TMEM108: variants seen among roughly 807,000 people sequenced by gnomAD.
TMEM108 encodes transmembrane protein 108, also known as cancer/testis antigen 124.
TMEM108 carries 12 observed loss-of-function variants against 35.1 expected under a neutral mutation model. The ratio of observed to expected loss-of-function variants is 0.34; its 90% CI spans 0.22 to 0.55. The LOEUF is 0.55. Among genes scored for constraint, TMEM108 ranks in the 20% least tolerant of loss-of-function variants. The pLI is 0.89. For synonymous variants in TMEM108, 287 were observed against 308.6 expected (o/e 0.93, Z 0.73); for missense variants, 680 against 753.3 (o/e 0.90, Z 1.14).
At chr3:133,249,744 T>C (rs889931835) in intron 3 of TMEM108, among the ~76,000 whole-genome samples, 3 of 152,168 alleles carry the variant, frequency 2.0e-5, no homozygotes, top group Admixed American at 6.5e-5. Context: ...ACGTCTTTGT[T>C]ATGGTGAATA....
intron 2 of TMEM108, among the ~76,000 whole-genome samples, chr3:133,071,975 C>T (rs1943681128): frequency 6.6e-6 from 1 of 152,064 alleles, no homozygotes; most frequent in Non-Finnish European, 1.5e-5. Context: ...GTCTTTAATC[C>T]ATTTTGAGTT....
At chr3:133,338,359 A>G (rs1196687968) in intron 3 of TMEM108, among the ~76,000 whole-genome samples, 1 of 152,166 alleles carries the variant, frequency 6.6e-6, no homozygotes, top group African/African-American at 2.4e-5. Flanking sequence ...CTGGCAGCAG[A>G]CTTCTTAGTG....
At chr3:133,337,019 G>C (rs1289068359) in intron 3 of TMEM108, among the ~76,000 whole-genome samples, 1 of 152,164 alleles carries the variant, frequency 6.6e-6, no homozygotes, top group African/African-American at 2.4e-5. Flanking sequence ...TTGAGTGCCA[G>C]CTCAGCCACA....
At chr3:133,064,169 T>G (rs1356070053) in intron 2 of TMEM108, among the ~76,000 whole-genome samples, 1 of 152,158 alleles carries the variant, frequency 6.6e-6, no homozygotes, top group African/African-American at 2.4e-5. Context: ...GGAAGGCCAT[T>G]TAGTCTAAAA....
intron 2 of TMEM108, among the ~76,000 whole-genome samples, chr3:133,177,616 A>C (rs559101934): frequency 6.6e-6 from 1 of 152,310 alleles, no homozygotes; most frequent in South Asian, 2.1e-4. Context: ...AAATTCAACA[A>C]CGCTTCATGC....
chr3:133,218,473 G>T (rs1945940915), intron 2 of TMEM108, among the ~76,000 whole-genome samples: 1 of 151,812 alleles, frequency 6.6e-6, no homozygotes, highest in Non-Finnish European at 1.5e-5. Flanking sequence ...TCTTTGTCTT[G>T]TTCCTGATCT....
At chr3:133,313,517 A>G (rs1361721829) in intron 3 of TMEM108, among the ~76,000 whole-genome samples, 3 of 152,168 alleles carry the variant, frequency 2.0e-5, no homozygotes, top group Admixed American at 6.5e-5. Context: ...GTGCTTTAAG[A>G]TACATTTTTA....
intron 2 of TMEM108, among the ~76,000 whole-genome samples, chr3:133,217,588 T>G (rs1945927948): frequency 6.6e-6 from 1 of 152,092 alleles, no homozygotes; most frequent in Non-Finnish European, 1.5e-5. Context: ...TTAATCTATT[T>G]GGAATTGAGT....
rs2072978639 is a variant in TMEM108, at chr3:133,380,521, C to T, written c.810C>T (p.Ser270=). ...CCTCATGGGCACCCACCACCACCTC[C>T]CTGGGGCCTGCAAAGGACAAGCCAG... ...SNTSWAPTTT[S]LGPAKDKPGL... Residue 270 remains serine, a synonymous_variant, in exon 4 of 6, where the codon TCC becomes TCT. Transcript: ENST00000321871. The surrounding 1 kb of genome is among the most constrained non-coding windows in gnomAD (Gnocchi z 5.3). The T allele has an allele frequency of 3.1e-6, 5 of 1,613,974 alleles. No homozygotes were observed. The highest frequency in any genetic ancestry group is 3.4e-6 in the Non-Finnish European group (4 of 1,179,976).
chr3:133,138,987 A>G (rs1353493862), intron 2 of TMEM108, among the ~76,000 whole-genome samples: 3 of 149,228 alleles, frequency 2.0e-5, no homozygotes, highest in Non-Finnish European at 4.5e-5. Flanking sequence ...TCATTGTTCA[A>G]CTCCTACTTA....
intron 3 of TMEM108, among the ~76,000 whole-genome samples, chr3:133,347,377 G>T (rs1336609776): frequency 7.2e-5 from 11 of 151,856 alleles, no homozygotes. Context: ...ATACCTAAGT[G>T]TTTTCTTTCC....
chr3:133,373,879 C>T (rs937114457), intron 3 of TMEM108, among the ~76,000 whole-genome samples: 1 of 152,356 alleles, frequency 6.6e-6, no homozygotes, highest in East Asian at 1.9e-4. Context: ...TGACCAGGCT[C>T]AGCTAGGCAG....
chr3:133,068,596 A>G (rs932451661), intron 2 of TMEM108, among the ~76,000 whole-genome samples: 5 of 152,136 alleles, frequency 3.3e-5, no homozygotes, highest in Non-Finnish European at 5.9e-5. Context: ...GAAAGGGAGA[A>G]TGATATGATC....
intron 3 of TMEM108, among the ~76,000 whole-genome samples, chr3:133,234,462 A>G (rs1357542519): frequency 6.6e-6 from 1 of 152,218 alleles, no homozygotes; most frequent in African/African-American, 2.4e-5. Context: ...ACATCAATAA[A>G]TGTAATCCAG....
chr3:133,140,750 AACATATC>A (rs1474436677), intron 2 of TMEM108, among the ~76,000 whole-genome samples: 48 of 152,302 alleles, frequency 3.2e-4, no homozygotes, highest in African/African-American at 1.1e-3. Flanking sequence ...GAGTGATAGA[AACATATC>A]ACAGTACCAG....
intron 3 of TMEM108, among the ~76,000 whole-genome samples, chr3:133,355,212 CTTT>C (rs1297178438): frequency 6.6e-6 from 1 of 152,262 alleles, no homozygotes; most frequent in East Asian, 1.9e-4. Flanking sequence ...TGGTTTTTTC[CTTT>C]TTTTCTTTTT....
chr3:133,381,669 CT>C (rs982197346), intron 4 of TMEM108, among the ~76,000 whole-genome samples: 1 of 152,218 alleles, frequency 6.6e-6, no homozygotes, highest in African/African-American at 2.4e-5. Flanking sequence ...TCACCTTCCT[CT>C]TTATCTTCCA....
intron 3 of TMEM108, among the ~76,000 whole-genome samples, chr3:133,230,861 A>T (rs78366976): frequency 6.6e-6 from 1 of 152,318 alleles, no homozygotes; most frequent in East Asian, 1.9e-4. Context: ...TCTTATATTG[A>T]GCAACTCTGA....
At chr3:133,085,437 G>A (rs560729882) in intron 2 of TMEM108, among the ~76,000 whole-genome samples, 11 of 152,274 alleles carry the variant, frequency 7.2e-5, no homozygotes, top group Middle Eastern at 3.4e-3. Context: ...CACTGAAACA[G>A]ATCACTGATT....
Sources: gnomAD v4.1 joint callset for allele counts (sites outside exome capture counted in the v4.1 genomes callset) on GRCh38, gnomAD v4.1.1 for gene constraint, Gnocchi (gnomAD v3.1) non-coding constraint, MANE v1.5 for transcripts, NCBI Gene and HGNC (gene_info 2026-07-23, HGNC 2026-07-21) for gene names.